PCDH11X: variants seen among roughly 807,000 people sequenced by gnomAD.
The protein encoded by PCDH11X is protocadherin 11 X-linked.
In PCDH11X, 18 loss-of-function variants were observed where a neutral mutation model predicts 53.3. The observed-to-expected ratio is 0.34, with a 90% CI of 0.23 to 0.50. The LOEUF (loss-of-function observed/expected upper bound fraction) is 0.50. Ranked by LOEUF, PCDH11X falls within the 20% of genes least tolerant of loss-of-function variation. The probability of loss-of-function intolerance (pLI) is 0.98; values close to 1 mark genes in which losing one functional copy is unlikely to be tolerated. For missense variants in PCDH11X, 570 were observed against 1,032.4 expected, an observed-to-expected ratio of 0.55 and a Z score of 6.14; for synonymous variants, 279 against 393.3, an observed-to-expected ratio of 0.71 and a Z score of 3.44.
rs913218453 is a variant in PCDH11X, at chrX:91,866,029, A to G, written c.541-10752A>G. Among the ~76,000 whole-genome samples, 3 of 109,553 alleles carry G rather than the reference A, an allele frequency of 2.7e-5. No homozygotes were observed. In the East Asian group the frequency reaches 8.8e-4, roughly 32 times the overall value. ...TGCTGGTACCTGAAGCCAGCTGTCT[A>G]GAAATGTCATCTGGGAGCTAGGGCC... On this transcript the variant is annotated intron_variant, in intron 5 of 10. Transcript: ENST00000682573.
intron 6 of PCDH11X, among the ~76,000 whole-genome samples, chrX:92,196,920 T>A (rs1234054396): frequency 9.0e-6 from 1 of 111,405 alleles, no homozygotes; most frequent in Non-Finnish European, 1.9e-5. Flanking sequence ...CTTCATGTTG[T>A]TAGAGAAGAT....
chrX:91,787,531 C>T (rs1254106797), intron 1 of PCDH11X, among the ~76,000 whole-genome samples: 1 of 110,245 alleles, frequency 9.1e-6, no homozygotes, highest in Admixed American at 9.7e-5. Flanking sequence ...AAAACCTTCA[C>T]CTCCCTGGAC....
At chrX:92,274,737 T>C (rs751834483) in intron 8 of PCDH11X, among the ~76,000 whole-genome samples, 2 of 110,369 alleles carry the variant, frequency 1.8e-5, no homozygotes, top group South Asian at 7.8e-4. Context: ...AAATGAGAGG[T>C]TCTGAGAGGC....
chrX:92,049,590 G>A (rs2063338064), intron 6 of PCDH11X, among the ~76,000 whole-genome samples: 1 of 111,002 alleles, frequency 9.0e-6, no homozygotes, highest in African/African-American at 3.3e-5. Context: ...GATTAAAATT[G>A]TATTTATGGA....
chrX:91,827,341 A>T (rs1158558950), intron 4 of PCDH11X, among the ~76,000 whole-genome samples: 2 of 111,046 alleles, frequency 1.8e-5, no homozygotes, highest in Non-Finnish European at 3.8e-5. Context: ...GTTCCTTATA[A>T]ATGCTGGATA....
At chrX:92,448,837 C>T (rs1262380286) in intron 9 of PCDH11X, among the ~76,000 whole-genome samples, 4 of 111,009 alleles carry the variant, frequency 3.6e-5, no homozygotes, top group South Asian at 7.7e-4. Context: ...TTCTTATAGC[C>T]GAAATTTTAT....
At chrX:92,575,719 T>C (rs1328505454) in intron 10 of PCDH11X, among the ~76,000 whole-genome samples, 1 of 105,526 alleles carries the variant, frequency 9.5e-6, no homozygotes, top group Non-Finnish European at 1.9e-5. Context: ...CAAATATATT[T>C]TCAGAACACA....
In PCDH11X at chrX:92,479,491, G is replaced by A. The variant is rs1173557263; in HGVS notation, c.3367+11169G>A. 1.5e-3 allele frequency among the ~76,000 whole-genome samples: 155 copies of A among 104,658 alleles called. 1 individual carries two copies. The highest frequency in any genetic ancestry group is 5.1e-3 in the African/African-American group (148 of 28,834). 90.9% of individuals were successfully genotyped at this position (104,658 alleles called of 115,157 possible). Reference sequence around the variant, plus strand: ...AATTCAGTATGTTTTTGTAGTGGCTGGTAACTGCCTTTCCTTTCCATATTT... The same window carrying A: ...AATTCAGTATGTTTTTGTAGTGGCTAGTAACTGCCTTTCCTTTCCATATTT... On this transcript the variant is annotated intron_variant, in intron 10 of 10. Coordinates refer to ENST00000682573, the MANE Select transcript of PCDH11X (RefSeq NM_032968.5).
chrX:92,470,501 A>T (rs888586564), intron 10 of PCDH11X, among the ~76,000 whole-genome samples: 10 of 106,879 alleles, frequency 9.4e-5, no homozygotes, highest in Non-Finnish European at 1.5e-4. Context: ...GACACTGGTG[A>T]CAGTGGTCCT....
chrX:92,524,578 TA>T (rs2074418777), intron 10 of PCDH11X, among the ~76,000 whole-genome samples: 1 of 104,894 alleles, frequency 9.5e-6, no homozygotes, highest in African/African-American at 3.4e-5. Flanking sequence ...TTGTACCCAT[TA>T]AAAAAAAGAT....
intron 6 of PCDH11X, among the ~76,000 whole-genome samples, chrX:91,886,093 A>G (rs1443291323): frequency 1.8e-5 from 2 of 111,990 alleles, no homozygotes; most frequent in Admixed American, 9.5e-5. Context: ...GAGGACAAAA[A>G]TATTTATTTC....
At chrX:91,951,805 C>T (rs181485057) in intron 6 of PCDH11X, among the ~76,000 whole-genome samples, 8 of 111,547 alleles carry the variant, frequency 7.2e-5, no homozygotes, top group African/African-American at 2.3e-4. Flanking sequence ...AAATTTCTTA[C>T]ATTTTCATTA....
At position 91,830,019 on chromosome X, in the gene PCDH11X, G is replaced by A. The variant is rs369550386; in HGVS notation, c.-44-5442G>A. 2.7e-4 allele frequency among the ~76,000 whole-genome samples: 30 copies of A among 110,693 alleles called. 1 individual carries two copies. The South Asian group carries it at 9.3e-3, about 34-fold the overall frequency. On this transcript the variant is annotated intron_variant, in intron 4 of 10. Transcript: ENST00000682573. ...GAAGAATGTGTGATGATAGACAAAC[G>A]TTATATTTTTGCCATGAAGAATGAG...
intron 6 of PCDH11X, among the ~76,000 whole-genome samples, chrX:92,034,516 G>A (rs1329196735): frequency 1.9e-5 from 2 of 106,455 alleles, no homozygotes; most frequent in African/African-American, 7.0e-5. Context: ...TCTTTTTTCA[G>A]TTTTTGCCTT....
At chrX:92,012,092 C>T (rs370950980) in intron 6 of PCDH11X, among the ~76,000 whole-genome samples, 1 of 110,582 alleles carries the variant, frequency 9.0e-6, no homozygotes, top group Admixed American at 9.7e-5. Context: ...AGCATATATC[C>T]TTTGTACTTT....
At position 92,219,464 on chromosome X, in the gene PCDH11X, A is replaced by G. The variant is rs759148241; in HGVS notation, c.3114+18009A>G. On this transcript the variant is annotated intron_variant, in intron 7 of 10. Coordinates refer to ENST00000682573, the MANE Select transcript of PCDH11X (RefSeq NM_032968.5). ...CATTCACAATTGCTTCAAAGAGAAT[A>G]AAATACCTAGGAATCCAACTTACAA... Among the ~76,000 whole-genome samples the G allele has an allele frequency of 5.4e-5, 6 of 110,886 alleles. No individual in the cohort carries two copies. The East Asian group carries it at 1.7e-3, about 32-fold the overall frequency.
chrX:92,473,041 GT>G (rs1436685896), intron 10 of PCDH11X, among the ~76,000 whole-genome samples: 53 of 96,265 alleles, frequency 5.5e-4, no homozygotes, highest in African/African-American at 9.9e-4. Flanking sequence ...TTTTTTGTTT[GT>G]TTTTTTTTTT....
chrX:91,938,011 A>G (rs2061465512), intron 6 of PCDH11X, among the ~76,000 whole-genome samples: 1 of 110,917 alleles, frequency 9.0e-6, no homozygotes, highest in Non-Finnish European at 1.9e-5. Context: ...TTCTTTTAAA[A>G]ATGTGTGAGC....
At chrX:92,446,573 GCTC>G (rs1321622551) in intron 9 of PCDH11X, among the ~76,000 whole-genome samples, 1 of 111,363 alleles carries the variant, frequency 9.0e-6, no homozygotes, top group Non-Finnish European at 1.9e-5. Flanking sequence ...GATGTGACTT[GCTC>G]CTCCTTGCCT....
Sources: gnomAD v4.1 joint callset for allele counts (sites outside exome capture counted in the v4.1 genomes callset) on GRCh38, gnomAD v4.1.1 for gene constraint, MANE v1.5 for transcripts, NCBI Gene and HGNC (gene_info 2026-07-23, HGNC 2026-07-21) for gene names.